Variants in SEMA6D observed in about 807,000 individuals in gnomAD.
SEMA6D encodes the protein semaphorin 6D, also known as semaphorin-6D.
Under a neutral mutation model 106.6 loss-of-function variants are expected in SEMA6D, and 35 were observed. That is an observed-to-expected ratio of 0.33 (90% CI 0.25 to 0.44). SEMA6D has a LOEUF of 0.44. SEMA6D is among the 20% of genes least tolerant of loss of function. The pLI is 1.00. For synonymous variants in SEMA6D, 499 were observed against 487.7 expected, an observed-to-expected ratio of 1.02 and a Z score of -0.31; for missense variants, 1,185 against 1,345.9, an observed-to-expected ratio of 0.88 and a Z score of 1.87.
intron 1 of SEMA6D, among the ~76,000 whole-genome samples, chr15:47,348,673 TCACACACACACA>T (rs71118173): frequency 9.5e-6 from 1 of 105,000 alleles, no homozygotes; most frequent in African/African-American, 4.9e-5. Context: ...CAAGAGTACA[TCACACACACACA>T]CACACACACA....
At chr15:47,225,818 C>A (rs2031617751) in intron 1 of SEMA6D, among the ~76,000 whole-genome samples, 1 of 152,062 alleles carries the variant, frequency 6.6e-6, no homozygotes, top group Non-Finnish European at 1.5e-5. Flanking sequence ...GCGTGAGCCA[C>A]CGCGCCCAGT....
intron 3 of SEMA6D, among the ~76,000 whole-genome samples, chr15:47,570,187 C>G (rs2046343967): frequency 6.6e-6 from 1 of 152,124 alleles, no homozygotes; most frequent in African/African-American, 2.4e-5. Context: ...TCTGCCCCAC[C>G]CCATTCTGAC....
At chr15:47,642,873 T>TGA (rs2077514022) in intron 4 of SEMA6D, among the ~76,000 whole-genome samples, 1 of 151,182 alleles carries the variant, frequency 6.6e-6, no homozygotes, top group Non-Finnish European at 1.5e-5. Context: ...CTAGATATAT[T>TGA]GAGAGAGAGA....
chr15:47,446,114 A>G (rs888009360), intron 2 of SEMA6D, among the ~76,000 whole-genome samples: 1 of 152,138 alleles, frequency 6.6e-6, no homozygotes, highest in African/African-American at 2.4e-5. Context: ...ACCTCTGTTC[A>G]TGCTGCCCAT....
rs1208697740 is a variant in SEMA6D at position 47,772,750 on chromosome 15, C to T, written c.*965C>T. ...CCACTGTGAATCAAAGCCTGAGTCACTCTATTTAACCTTGGACACACTAAT... is the reference window on the plus strand; with the variant it reads ...CCACTGTGAATCAAAGCCTGAGTCATTCTATTTAACCTTGGACACACTAAT... On this transcript the variant is annotated 3_prime_UTR_variant, in exon 19 of 19. Transcript: ENST00000536845. 6.6e-6 allele frequency: 1 copy of T among 151,746 alleles called. No homozygotes were observed. The highest frequency in any genetic ancestry group is 1.5e-5 in the Non-Finnish European group (1 of 67,982). The allele number at this position is 151,746 out of a possible 1,614,324, so 9.4% of individuals were successfully genotyped here. A position where few individuals can be genotyped will look rare whatever the true frequency, so the allele number is the denominator to read the frequency against.
chr15:47,279,435 A>G lies in SEMA6D; in HGVS notation c.-239+95017A>G, dbSNP rs1425865780. 4.0e-3 allele frequency among the ~76,000 whole-genome samples: 580 copies of G among 145,360 alleles called. 9 individuals are homozygous for G. The highest frequency in any genetic ancestry group is 0.014 in the African/African-American group (535 of 37,836). Reference sequence around the variant, plus strand: ...CTTAAGGAGATTTTGGGCTGAGACAATGGGGTTTTCTAGATATACAATCAT... The same window carrying G: ...CTTAAGGAGATTTTGGGCTGAGACAGTGGGGTTTTCTAGATATACAATCAT... On this transcript the variant is annotated intron_variant, in intron 1 of 19. Coordinates refer to the SEMA6D transcript ENST00000558014.
chr15:47,357,543 T>A (rs1010037764), intron 1 of SEMA6D, among the ~76,000 whole-genome samples: 6 of 152,064 alleles, frequency 3.9e-5, no homozygotes, highest in Admixed American at 2.6e-4. Flanking sequence ...AACTGAAGAA[T>A]TTGGAGTCTG....
chr15:47,428,256 A>G (rs534059431), intron 2 of SEMA6D, among the ~76,000 whole-genome samples: 23 of 152,250 alleles, frequency 1.5e-4, no homozygotes, highest in Admixed American at 1.5e-3. Flanking sequence ...ACGACATATA[A>G]AGAGAAAAGA....
chr15:47,359,513 A>G (rs1180106620), intron 1 of SEMA6D: 3 of 152,182 alleles, frequency 2.0e-5, no homozygotes, highest in Non-Finnish European at 4.4e-5. Context: ...TCTAGCAATG[A>G]AGCAGAATGC....
At chr15:47,715,035 GA>G (rs911744653), upstream of SEMA6D, among the ~76,000 whole-genome samples, 3 of 152,184 alleles carry the variant, frequency 2.0e-5, no homozygotes, top group Non-Finnish European at 4.4e-5. Flanking sequence ...GAGCACAGAA[GA>G]AAAGCACTTA....
At chr15:47,753,511 C>G (rs139877289) in intron 1 of SEMA6D, among the ~76,000 whole-genome samples, 120 of 152,276 alleles carry the variant, frequency 7.9e-4, no homozygotes, top group African/African-American at 2.8e-3. Context: ...ATGTCAAGAT[C>G]AGAGAAGACT....
chr15:47,752,980 C>G (rs947573855), intron 1 of SEMA6D, among the ~76,000 whole-genome samples: 7 of 150,880 alleles, frequency 4.6e-5, no homozygotes, highest in African/African-American at 1.7e-4. Flanking sequence ...CTGCACTCCA[C>G]CCTGGGCAAC....
chr15:47,600,029 G>A (rs1433182087), intron 3 of SEMA6D, among the ~76,000 whole-genome samples: 1 of 152,028 alleles, frequency 6.6e-6, no homozygotes. Flanking sequence ...TCAAATCCTG[G>A]AGTATCGGTC....
intron 1 of SEMA6D, among the ~76,000 whole-genome samples, chr15:47,313,461 G>GA (rs1406301536): frequency 1.3e-5 from 2 of 152,080 alleles, no homozygotes; most frequent in Non-Finnish European, 2.9e-5. Flanking sequence ...CTATTTTTTA[G>GA]TGCTGAATAT....
chr15:47,394,744 T>C (rs920545051), intron 1 of SEMA6D, among the ~76,000 whole-genome samples: 1 of 152,182 alleles, frequency 6.6e-6, no homozygotes, highest in Non-Finnish European at 1.5e-5. Context: ...CAACAAGTGG[T>C]AAATCTCCTT....
At chr15:47,490,020 C>T (rs2043422462) in intron 3 of SEMA6D, among the ~76,000 whole-genome samples, 1 of 152,110 alleles carries the variant, frequency 6.6e-6, no homozygotes, top group Non-Finnish European at 1.5e-5. Context: ...TTCTTTCTTG[C>T]AGTTGTTAAG....
intron 1 of SEMA6D, among the ~76,000 whole-genome samples, chr15:47,315,785 C>G (rs2036644393): frequency 6.6e-6 from 1 of 152,084 alleles, no homozygotes; most frequent in African/African-American, 2.4e-5. Context: ...TTTAGTTTTA[C>G]TCTTATAGAT....
intron 1 of SEMA6D, among the ~76,000 whole-genome samples, chr15:47,352,881 A>G (rs762864676): frequency 3.3e-5 from 5 of 152,198 alleles, no homozygotes; most frequent in Non-Finnish European, 7.3e-5. Flanking sequence ...AGTTAACATC[A>G]TGTAGATACA....
chr15:47,259,714 G>GT (rs138357536), intron 1 of SEMA6D, among the ~76,000 whole-genome samples: 2 of 151,870 alleles, frequency 1.3e-5, no homozygotes, highest in South Asian at 2.1e-4. Context: ...TGTACATTGG[G>GT]TTTTTTACCC....
Sources: gnomAD v4.1 joint callset for allele counts (sites outside exome capture counted in the v4.1 genomes callset) on GRCh38, gnomAD v4.1.1 for gene constraint, MANE v1.5 for transcripts, NCBI Gene and HGNC (gene_info 2026-07-23, HGNC 2026-07-21) for gene names.